The following GAS2 variants were observed in gnomAD, a reference collection of about 807,000 sequenced individuals.
The protein encoded by GAS2 is growth arrest specific 2.
Under a neutral mutation model 37.5 loss-of-function variants are expected in GAS2, and 20 were observed. That is an observed-to-expected ratio of 0.53 (90% CI 0.37 to 0.77). The LOEUF (loss-of-function observed/expected upper bound fraction) is 0.77, where lower values mean the gene tolerates loss of function less well. Ranked by LOEUF, GAS2 falls within the 30% of genes least tolerant of loss-of-function variation. GAS2 has a pLI of 0.00. For synonymous variants in GAS2, 144 were observed against 132.2 expected (o/e 1.09, Z -0.61); for missense variants, 336 against 373.4 (o/e 0.90, Z 0.82).
chr11:22,636,618 G>A (rs1166896619), intron 1 of GAS2, among the ~76,000 whole-genome samples: 3 of 151,972 alleles, frequency 2.0e-5, no homozygotes, highest in Non-Finnish European at 4.4e-5. Flanking sequence ...ATTCTCTAAT[G>A]ACAGAAATTT....
chr11:22,770,488 T>G (rs1459983905), intron 7 of GAS2, among the ~76,000 whole-genome samples: 4 of 152,176 alleles, frequency 2.6e-5, no homozygotes, highest in Non-Finnish European at 4.4e-5. Context: ...AACGTTTCAC[T>G]TACTTAACAA....
chr11:22,694,105 A>C (rs1850382392), intron 3 of GAS2, among the ~76,000 whole-genome samples: 1 of 152,058 alleles, frequency 6.6e-6, no homozygotes, highest in South Asian at 2.1e-4. Context: ...TGCACAACAA[A>C]CCCTCTGACA....
At chr11:22,650,073 C>G (rs952454602) in intron 1 of GAS2, among the ~76,000 whole-genome samples, 53 of 152,056 alleles carry the variant, frequency 3.5e-4, no homozygotes, top group African/African-American at 1.2e-3. Context: ...AAATTTCCCT[C>G]TACACACTGC....
intron 7 of GAS2, among the ~76,000 whole-genome samples, chr11:22,792,651 C>CT (rs1856224276): frequency 6.6e-6 from 1 of 152,146 alleles, no homozygotes; most frequent in Non-Finnish European, 1.5e-5. Flanking sequence ...TTATGTATGG[C>CT]TTTTATAAAC....
chr11:22,788,054 T>C (rs1855901957), intron 7 of GAS2, among the ~76,000 whole-genome samples: 1 of 152,158 alleles, frequency 6.6e-6, no homozygotes, highest in Non-Finnish European at 1.5e-5. Flanking sequence ...GTGCGTTTCC[T>C]TAAGTTTGTA....
rs182820478 is a variant in GAS2, at chr11:22,635,323, G to A, written c.-21+9510G>A. 2.3e-3 allele frequency among the ~76,000 whole-genome samples: 344 copies of A among 152,310 alleles called. 1 individual carries two copies. The highest frequency in any genetic ancestry group is 4.1e-3 in the Non-Finnish European group (276 of 68,018). On this transcript the variant is annotated intron_variant, in intron 1 of 5. Transcript: ENST00000528582. ...ATCAAAGGGCAGTTCTGTGGCTTCT[G>A]AGGGAACATTCCAGGGAGGAGCACA...
At chr11:22,775,412 C>G (rs1855208856) in intron 7 of GAS2, among the ~76,000 whole-genome samples, 1 of 152,032 alleles carries the variant, frequency 6.6e-6, no homozygotes, top group Admixed American at 6.5e-5. Context: ...AATTGAAACA[C>G]CGTTAAGTTT....
intron 3 of GAS2, among the ~76,000 whole-genome samples, chr11:22,712,642 T>C (rs556718533): frequency 5.9e-5 from 9 of 152,212 alleles, no homozygotes; most frequent in African/African-American, 2.2e-4. Flanking sequence ...CAAAACAACA[T>C]TCTATGACAC....
intron 2 of GAS2, among the ~76,000 whole-genome samples, chr11:22,676,075 A>G (rs1849414770): frequency 6.6e-6 from 1 of 152,066 alleles, no homozygotes; most frequent in African/African-American, 2.4e-5. Context: ...TGGTGTGCAC[A>G]CAATTTTGGC....
At chr11:22,752,466 A>G (rs1230956958) in intron 6 of GAS2, among the ~76,000 whole-genome samples, 1 of 152,074 alleles carries the variant, frequency 6.6e-6, no homozygotes, top group Admixed American at 6.6e-5. Flanking sequence ...AATTGTTCCT[A>G]TAGTAACTGC....
At chr11:22,782,737 A>AT (rs1214542821) in intron 7 of GAS2, among the ~76,000 whole-genome samples, 18 of 148,268 alleles carry the variant, frequency 1.2e-4, no homozygotes, top group African/African-American at 4.6e-4. Flanking sequence ...CAAAAAAAAA[A>AT]AAAATAATAA....
At chr11:22,760,965 G>GT (rs1234132590) in intron 7 of GAS2, among the ~76,000 whole-genome samples, 3 of 152,224 alleles carry the variant, frequency 2.0e-5, no homozygotes, top group African/African-American at 7.2e-5. Flanking sequence ...TGGTGGGGAG[G>GT]TTTTTTGGAG....
At chr11:22,796,481 G>T (rs1453456293) in intron 7 of GAS2, among the ~76,000 whole-genome samples, 2 of 151,902 alleles carry the variant, frequency 1.3e-5, no homozygotes, top group Non-Finnish European at 2.9e-5. Context: ...CTTTGACTTT[G>T]TAACATTTTT....
chr11:22,651,573 G>T (rs986511753), intron 1 of GAS2, among the ~76,000 whole-genome samples: 15 of 151,640 alleles, frequency 9.9e-5, no homozygotes, highest in Admixed American at 2.6e-4. Context: ...ACATAGATTT[G>T]GTCTTTCCAC....
At chr11:22,780,626 C>T (rs1426509422) in intron 7 of GAS2, among the ~76,000 whole-genome samples, 1 of 148,606 alleles carries the variant, frequency 6.7e-6, no homozygotes, top group African/African-American at 2.5e-5. Flanking sequence ...GCAGTAGTTA[C>T]TTAAAGAAGG....
chr11:22,674,326 G>A (rs1292164887), intron 1 of GAS2, among the ~76,000 whole-genome samples: 1 of 151,718 alleles, frequency 6.6e-6, no homozygotes, highest in African/African-American at 2.4e-5. Context: ...TCTCTAAATT[G>A]TGAGTCCATG....
rs765013171 is a variant in GAS2 at position 22,755,928 on chromosome 11, T to A, written c.698T>A (p.Val233Glu). 6.2e-7 allele frequency: 1 copy of A among 1,612,052 alleles called. No homozygotes were observed. The highest frequency in any genetic ancestry group is 8.5e-7 in the Non-Finnish European group (1 of 1,178,520). The change falls in exon 7 of 8, where the codon GTG becomes GAG. Residue 233 changes from valine (V) to glutamate (E), a missense_variant. Transcript: ENST00000454584. Reference sequence around the variant, plus strand: ...CGGCTCTCCCAAGGAAGATACCGAGTGGGAGAAAAGATCCTCTTCATTAGG... The same window carrying A: ...CGGCTCTCCCAAGGAAGATACCGAGAGGGAGAAAAGATCCTCTTCATTAGG... The part of the protein sequence containing the change: ...VERLSQGRYR[V>E]GEKILFIRML...
chr11:22,763,382 T>C (rs999171828), intron 7 of GAS2, among the ~76,000 whole-genome samples: 2 of 152,148 alleles, frequency 1.3e-5, no homozygotes, highest in African/African-American at 4.8e-5. Flanking sequence ...GTGGGTGATA[T>C]TACGTTCTTT....
rs74825534 is a variant in GAS2 at position 22,809,828 on chromosome 11, C to T, written c.724-1970C>T. ...TTTAAAAGTAAATATTAGTTCTATGCGACACTTGAGCCAATTTCAGTACTA... is the reference window on the plus strand; with the variant it reads ...TTTAAAAGTAAATATTAGTTCTATGTGACACTTGAGCCAATTTCAGTACTA... On this transcript the variant is annotated intron_variant, in intron 7 of 7. Transcript: ENST00000454584. Among the ~76,000 whole-genome samples the T allele has an allele frequency of 3.5e-3, 537 of 152,094 alleles. 2 individuals are homozygous for T. Among genetic ancestry groups the T allele is most frequent in the African/African-American group, 0.012 (495 of 41,488 alleles).
Sources: gnomAD v4.1 joint callset for allele counts (sites outside exome capture counted in the v4.1 genomes callset) on GRCh38, gnomAD v4.1.1 for gene constraint, MANE v1.5 for transcripts, NCBI Gene and HGNC (gene_info 2026-07-23, HGNC 2026-07-21) for gene names.